Variants in SLC24A3 observed in about 807,000 individuals in gnomAD.
SLC24A3 encodes the protein sodium/potassium/calcium exchanger 3.
SLC24A3 carries 28 observed loss-of-function variants against 75.8 expected under a neutral mutation model. That is an observed-to-expected ratio of 0.37 (90% confidence interval 0.27 to 0.51). The LOEUF is 0.51. Among genes scored for constraint, SLC24A3 ranks in the 20% least tolerant of loss-of-function variants. SLC24A3 has a pLI of 0.94. For synonymous variants in SLC24A3, 372 were observed against 334.1 expected (o/e 1.11, Z -1.24); for missense variants, 663 against 847.8 (o/e 0.78, Z 2.71).
chr20:19,420,342 C>G (rs542582726), intron 2 of SLC24A3, among the ~76,000 whole-genome samples: 51 of 82,932 alleles, frequency 6.1e-4, no homozygotes, highest in Non-Finnish European at 1.0e-3. Context: ...GGGTATATAC[C>G]CAGTAATGGG....
intron 3 of SLC24A3, among the ~76,000 whole-genome samples, chr20:19,537,279 C>A (rs2030416252): frequency 6.6e-6 from 1 of 152,166 alleles, no homozygotes; most frequent in Non-Finnish European, 1.5e-5. Context: ...TGAAAAAATG[C>A]TCATCATCAC....
chr20:19,217,606 C>T (rs781491067), intron 1 of SLC24A3, among the ~76,000 whole-genome samples: 2 of 152,110 alleles, frequency 1.3e-5, no homozygotes, highest in African/African-American at 2.4e-5. Context: ...GCTGAGAGCC[C>T]GTCTTTGCCT....
intron 7 of SLC24A3, among the ~76,000 whole-genome samples, chr20:19,658,349 G>A (rs1452299633): frequency 6.6e-6 from 1 of 152,194 alleles, no homozygotes; most frequent in Non-Finnish European, 1.5e-5. Flanking sequence ...GGGGCATGCC[G>A]AGGTGGACAA....
intron 2 of SLC24A3, among the ~76,000 whole-genome samples, chr20:19,404,125 G>A (rs1235785181): frequency 6.6e-6 from 1 of 152,180 alleles, no homozygotes; most frequent in African/African-American, 2.4e-5. Context: ...TTCTGAACCT[G>A]CTGTCAGGGA....
chr20:19,387,342 C>T (rs1986289356), intron 2 of SLC24A3, among the ~76,000 whole-genome samples: 1 of 151,260 alleles, frequency 6.6e-6, no homozygotes, highest in African/African-American at 2.4e-5. Context: ...TATTTCTGCT[C>T]TGATTTTACT....
chr20:19,343,019 G>A (rs1332951892), intron 2 of SLC24A3, among the ~76,000 whole-genome samples: 3 of 128,256 alleles, frequency 2.3e-5, no homozygotes, highest in East Asian at 2.3e-4. Flanking sequence ...GCAGTGAGCC[G>A]AGATCATGCC....
At chr20:19,516,407 G>T (rs184235022) in intron 3 of SLC24A3, among the ~76,000 whole-genome samples, 2 of 152,286 alleles carry the variant, frequency 1.3e-5, no homozygotes, top group East Asian at 1.9e-4. Context: ...GTTATTTATC[G>T]CTGTGAAGCG....
At chr20:19,582,390 G>A (rs566403680) in intron 4 of SLC24A3, among the ~76,000 whole-genome samples, 121 of 152,362 alleles carry the variant, frequency 7.9e-4, no homozygotes, top group Non-Finnish European at 1.4e-3. Context: ...TGAGTGGGGA[G>A]AGAAATCCAC....
chr20:19,452,947 G>C (rs1987513704), intron 2 of SLC24A3, among the ~76,000 whole-genome samples: 2 of 152,158 alleles, frequency 1.3e-5, no homozygotes, highest in Admixed American at 6.5e-5. Context: ...ACTTTGGGAG[G>C]CCGAGGTGGG....
At chr20:19,588,351 G>A (rs1300589227) in intron 6 of SLC24A3, among the ~76,000 whole-genome samples, 4 of 152,178 alleles carry the variant, frequency 2.6e-5, no homozygotes, top group Non-Finnish European at 4.4e-5. Flanking sequence ...GCGAGTGCCC[G>A]TGGGCCTCCC....
At chr20:19,263,719 C>T (rs922366689) in intron 1 of SLC24A3, among the ~76,000 whole-genome samples, 6 of 152,188 alleles carry the variant, frequency 3.9e-5, no homozygotes, top group Non-Finnish European at 8.8e-5. Context: ...TTCCATTCAA[C>T]CTTGCTATTC....
At chr20:19,597,131 C>T (rs991184296) in intron 6 of SLC24A3, among the ~76,000 whole-genome samples, 1 of 152,118 alleles carries the variant, frequency 6.6e-6, no homozygotes, top group Non-Finnish European at 1.5e-5. Context: ...ACCTGTGGCC[C>T]CAGCACTTTG....
At chr20:19,543,234 AG>A (rs1270822871) in intron 3 of SLC24A3, among the ~76,000 whole-genome samples, 6 of 152,356 alleles carry the variant, frequency 3.9e-5, no homozygotes, top group African/African-American at 1.4e-4. Flanking sequence ...TGACAGTACC[AG>A]GAAGTAGCCA....
At chr20:19,430,877 C>T (rs1987090154) in intron 2 of SLC24A3, among the ~76,000 whole-genome samples, 1 of 152,120 alleles carries the variant, frequency 6.6e-6, no homozygotes, top group African/African-American at 2.4e-5. Flanking sequence ...CATACGCAGA[C>T]ACGGTCACAC....
At chr20:19,328,207 G>T (rs1984915211) in intron 2 of SLC24A3, among the ~76,000 whole-genome samples, 1 of 151,948 alleles carries the variant, frequency 6.6e-6, no homozygotes, top group South Asian at 2.1e-4. Flanking sequence ...AGTGTGGCTG[G>T]AGCAGAATGA....
intron 3 of SLC24A3, among the ~76,000 whole-genome samples, chr20:19,518,093 C>A (rs1167153590): frequency 6.6e-6 from 1 of 152,192 alleles, no homozygotes; most frequent in Non-Finnish European, 1.5e-5. Flanking sequence ...CTTCACCTTC[C>A]ATGTTGTACA....
chr20:19,295,200 A>G (rs1272019414), intron 2 of SLC24A3, among the ~76,000 whole-genome samples: 1 of 152,078 alleles, frequency 6.6e-6, no homozygotes, highest in African/African-American at 2.4e-5. Context: ...TAGAATCTGG[A>G]TATTAGAATC....
chr20:19,549,103 G>C (rs1544077), intron 3 of SLC24A3, among the ~76,000 whole-genome samples: 93,792 of 152,004 alleles, frequency 0.62, 30,394 homozygotes, highest in South Asian at 0.75. Context: ...GGTCTTTATG[G>C]ACCAAGCCTG....
At chr20:19,496,937 T>C (rs536135661) in intron 2 of SLC24A3, among the ~76,000 whole-genome samples, 5 of 152,302 alleles carry the variant, frequency 3.3e-5, no homozygotes, top group African/African-American at 9.6e-5. Context: ...GTGTCTAAAC[T>C]TCTTTCTGTT....
Sources: allele counts gnomAD v4.1 joint callset (sites outside exome capture counted in the v4.1 genomes callset), GRCh38; gene constraint gnomAD v4.1.1; transcripts MANE v1.5; gene names NCBI Gene and HGNC (gene_info 2026-07-23, HGNC 2026-07-21).